Variants in EFEMP1 observed in about 807,000 individuals in gnomAD.
EFEMP1 encodes EGF-like fibulin extracellular matrix protein 1, also known as EGF-containing fibulin-like extracellular matrix protein 1.
A neutral mutation model predicts 65.7 loss-of-function variants in EFEMP1; 18 were observed. The observed-to-expected ratio is 0.27, with a 90% CI of 0.19 to 0.41. EFEMP1 has a LOEUF of 0.41. Among genes scored for constraint, EFEMP1 ranks in the 10% least tolerant of loss-of-function variants. The pLI is 1.00. For missense variants in EFEMP1, 469 were observed against 624.8 expected, an observed-to-expected ratio of 0.75 and a Z score of 2.66; for synonymous variants, 237 against 219.7, an observed-to-expected ratio of 1.08 and a Z score of -0.70.
Position 55,870,838 on chromosome 2 carries a change from C to T in EFEMP1, c.1202G>A (p.Arg401Gln), listed in dbSNP as rs775080680. The T allele has an allele frequency of 1.1e-5, 18 of 1,613,764 alleles. No individual in the cohort carries two copies. The highest frequency in any genetic ancestry group is 4.5e-5 in the East Asian group (2 of 44,872). ...QSIVYKYMSI[R>Q]SDRSVPSDIF... ...GTCTGATGGCACAGACCTATCAGAT[C>T]GGATGCTCATGTATTTGTAGACTAT... The change falls in exon 11 of 12, where the codon CGA becomes CAA. Residue 401 changes from arginine (R) to glutamine (Q), a missense_variant. Transcript: ENST00000355426. The surrounding 1 kb of genome is among the most constrained non-coding windows in gnomAD (Gnocchi z 5.8).
At chr2:55,908,352 C>G (rs1670358363) in intron 5 of EFEMP1, among the ~76,000 whole-genome samples, 1 of 152,044 alleles carries the variant, frequency 6.6e-6, no homozygotes. Flanking sequence ...AAGACAATTA[C>G]AGCATGATCT....
chr2:55,892,601 A>G (rs1669671629), intron 5 of EFEMP1, among the ~76,000 whole-genome samples: 1 of 152,072 alleles, frequency 6.6e-6, no homozygotes, highest in Non-Finnish European at 1.5e-5. Flanking sequence ...TAAATACACT[A>G]CTGTGTTCCT....
At position 55,883,331 on chromosome 2, in the gene EFEMP1, C is replaced by T. The variant is rs12617258; in HGVS notation, c.518-1597G>A. 2.0e-5 allele frequency among the ~76,000 whole-genome samples: 3 copies of T among 152,076 alleles called. No homozygotes were observed. Among genetic ancestry groups the T allele is most frequent in the East Asian group, 1.9e-4 (1 of 5,188 alleles). ...CAAACTGTCCTTTTTAGGTACTATG[C>T]GATGGTGCAACAATCCTGCTTTGAA... is the stretch of plus-strand genomic sequence containing the variant. On this transcript the variant is annotated intron_variant, in intron 5 of 11. Transcript: ENST00000355426. The surrounding 1 kb of genome is among the most constrained non-coding windows in gnomAD (Gnocchi z 4.5).
In EFEMP1 at chr2:55,877,640, C is replaced by T. The variant is rs1029584311; in HGVS notation, c.760+106G>A. 3.4e-5 allele frequency: 52 copies of T among 1,521,716 alleles called. No homozygotes were observed. In the Middle Eastern group the frequency reaches 5.1e-4, roughly 15 times the overall value. 94.3% of individuals were successfully genotyped at this position (1,521,716 alleles called of 1,614,324 possible). The stretch of plus-strand genomic sequence containing the variant: ...AGCTTTATGATTGCTGAAGGGAAGT[C>T]GATGGAAACTATTTACTCAAGAACA... On this transcript the variant is annotated intron_variant, in intron 7 of 11. Coordinates refer to ENST00000355426, the MANE Select transcript of EFEMP1 (RefSeq NM_001039348.3). This position sits in a 1 kb window ranked among gnomAD's most constrained non-coding sequence, Gnocchi z 4.5.
chr2:55,909,277 CAG>C (rs1242182177), intron 5 of EFEMP1, among the ~76,000 whole-genome samples: 1 of 152,132 alleles, frequency 6.6e-6, no homozygotes, highest in Non-Finnish European at 1.5e-5. Context: ...ATAAGTAAAA[CAG>C]AATGCAGTTC....
intron 5 of EFEMP1, among the ~76,000 whole-genome samples, chr2:55,900,086 A>G (rs780626249): frequency 7.2e-5 from 11 of 152,184 alleles, no homozygotes; most frequent in Non-Finnish European, 1.5e-4. Flanking sequence ...TCAGAAACCT[A>G]CAACAAACTG....
intron 11 of EFEMP1, among the ~76,000 whole-genome samples, chr2:55,869,254 T>C (rs1164325500): frequency 1.3e-5 from 2 of 152,170 alleles, no homozygotes; most frequent in East Asian, 1.9e-4. Flanking sequence ...TCTTACATTA[T>C]GGCTAAAAGT....
intron 6 of EFEMP1, among the ~76,000 whole-genome samples, chr2:55,879,700 C>A (rs1669169374): frequency 6.6e-6 from 1 of 152,118 alleles, no homozygotes; most frequent in South Asian, 2.1e-4. Context: ...ACACAGGGAG[C>A]ACCATGCTAC....
intron 5 of EFEMP1, among the ~76,000 whole-genome samples, chr2:55,888,454 C>G (rs1228419321): frequency 6.7e-6 from 1 of 149,652 alleles, no homozygotes; most frequent in African/African-American, 2.5e-5. Flanking sequence ...TCTCCTGACT[C>G]AGCCTCCTGA....
intron 5 of EFEMP1, among the ~76,000 whole-genome samples, chr2:55,906,435 G>C (rs1670279416): frequency 6.6e-6 from 1 of 152,036 alleles, no homozygotes; most frequent in Non-Finnish European, 1.5e-5. Context: ...TGTTGGCCAG[G>C]CTAGTCTCGA....
In EFEMP1 at chr2:55,867,008, T is replaced by C. The variant is rs1668601138; in HGVS notation, c.*65A>G. 1.3e-6 allele frequency: 2 copies of C among 1,592,852 alleles called. No homozygotes were observed. Among genetic ancestry groups the C allele is most frequent in the East Asian group, 2.2e-5 (1 of 44,706 alleles). On this transcript the variant is annotated 3_prime_UTR_variant, in exon 12 of 12. Transcript: ENST00000355426. This position sits in a 1 kb window ranked among gnomAD's most constrained non-coding sequence, Gnocchi z 4.3. ...GCACTAGATATATCTATAAATAAAA[T>C]AGTGCTTTAAGGTAACAATATTCTT...
chr2:55,921,989 T>C lies in EFEMP1; in HGVS notation c.81+371A>G. ...CGTTCTTACTTGACTTGAGTCTTAT[T>C]CTGCACGTATTGGTTTTATCTGCAT... On this transcript the variant is annotated intron_variant, in intron 3 of 11. Transcript: ENST00000355426. The surrounding 1 kb of genome is among the most constrained non-coding windows in gnomAD (Gnocchi z 4.1). 1 of 324,826 alleles carries C rather than the reference T, an allele frequency of 3.1e-6. No individual in the cohort carries two copies. Among genetic ancestry groups the C allele is most frequent in the East Asian group, 7.8e-5 (1 of 12,852 alleles). 20.1% of individuals were successfully genotyped at this position (324,826 alleles called of 1,614,324 possible). A position where few individuals can be genotyped will look rare whatever the true frequency, so the allele number is the denominator to read the frequency against.
chr2:55,920,024 G>C (rs1227954397), intron 3 of EFEMP1, among the ~76,000 whole-genome samples: 1 of 152,130 alleles, frequency 6.6e-6, no homozygotes, highest in African/African-American at 2.4e-5. Flanking sequence ...TCCTCTCTCT[G>C]AGACCTCACA....
At chr2:55,894,433 TG>T (rs3838527) in intron 5 of EFEMP1, among the ~76,000 whole-genome samples, 56,379 of 151,886 alleles carry the variant, frequency 0.37, 11,087 homozygotes, top group East Asian at 0.76. Flanking sequence ...TCTGGTCATT[TG>T]TTCTTAATAA....
rs932802939 is a variant in EFEMP1 at position 55,867,484 on chromosome 2, C to T, written c.1321-250G>A. Among the ~76,000 whole-genome samples the T allele has an allele frequency of 1.3e-5, 2 of 151,372 alleles. No individual in the cohort carries two copies. Among genetic ancestry groups the T allele is most frequent in the African/African-American group, 4.9e-5 (2 of 41,220 alleles). ...AATAGTTCTTTGTTTTTGATTCCTC[C>T]CTCTCTGTTAACATTTTTCTTCACT... On this transcript the variant is annotated intron_variant, in intron 11 of 11. Transcript: ENST00000355426. This position sits in a 1 kb window ranked among gnomAD's most constrained non-coding sequence, Gnocchi z 4.3.
chr2:55,879,524 A>C (rs975093927), intron 6 of EFEMP1, among the ~76,000 whole-genome samples: 5 of 152,242 alleles, frequency 3.3e-5, no homozygotes, highest in Non-Finnish European at 5.9e-5. Flanking sequence ...TTCTTAACTA[A>C]TAAACATTCA....
intron 6 of EFEMP1, 25 bp downstream of exon 6, chr2:55,881,587 G>A (rs372752758): frequency 1.9e-5 from 30 of 1,612,622 alleles, no homozygotes; most frequent in African/African-American, 5.3e-5. Flanking sequence ...AGACAGGACC[G>A]TGCTCACTGC....
intron 5 of EFEMP1, among the ~76,000 whole-genome samples, chr2:55,913,902 C>T (rs1302851610): frequency 2.0e-5 from 3 of 151,818 alleles, no homozygotes; most frequent in South Asian, 2.1e-4. Context: ...CACAGCTACT[C>T]GGGAGGCTGA....
chr2:55,918,297 G>A, intron 3 of EFEMP1, 30 bp from the exon 4 acceptor site: 1 of 1,613,794 alleles, frequency 6.2e-7, no homozygotes, highest in East Asian at 2.2e-5. Context: ...GGTGGGGCCA[G>A]GAGACAGTTA....
Sources: allele counts gnomAD v4.1 joint callset (sites outside exome capture counted in the v4.1 genomes callset), GRCh38; gene constraint gnomAD v4.1.1; non-coding constraint Gnocchi (gnomAD v3.1); transcripts MANE v1.5; gene names NCBI Gene and HGNC (gene_info 2026-07-23, HGNC 2026-07-21).